Variants in TAFA5 observed in about 807,000 individuals in gnomAD.
TAFA5 encodes the protein TAFA chemokine like family member 5, also known as chemokine-like protein TAFA-5.
A neutral mutation model predicts 15.3 loss-of-function variants in TAFA5; 6 were observed. The observed-to-expected ratio is 0.39, with a 90% CI of 0.21 to 0.77. The LOEUF (loss-of-function observed/expected upper bound fraction) is 0.77, where lower values mean the gene tolerates loss of function less well. Ranked by LOEUF, TAFA5 falls within the 30% of genes least tolerant of loss-of-function variation. The pLI, the probability that TAFA5 is intolerant of heterozygous loss-of-function variation, is 0.41. For missense variants in TAFA5, 161 were observed against 193.1 expected (o/e 0.83, Z 0.98); for synonymous variants, 103 against 80.7 (o/e 1.28, Z -1.48).
chr22:48,516,712 A>T (rs1921420709), intron 1 of TAFA5, among the ~76,000 whole-genome samples: 2 of 152,022 alleles, frequency 1.3e-5, no homozygotes, highest in South Asian at 4.2e-4. Flanking sequence ...AATCCCCCAA[A>T]TTTAGATGGA....
chr22:48,588,090 G>T (rs1451138765), intron 1 of TAFA5, among the ~76,000 whole-genome samples: 1 of 152,236 alleles, frequency 6.6e-6, no homozygotes, highest in Non-Finnish European at 1.5e-5. Flanking sequence ...GGTTTGGGGG[G>T]TTGGTCCATG....
At position 48,646,745 on chromosome 22, in the gene TAFA5, C is replaced by A; in HGVS notation, c.261C>A (p.Asp87Glu). Residue 87 changes from aspartate (D) to glutamate (E), a missense_variant and splice_region_variant, in exon 2 of 4, where the codon GAC (aspartate) becomes GAA (glutamate). Coordinates refer to ENST00000402357, the MANE Select transcript of TAFA5 (RefSeq NM_001082967.3). ...GTTRARPACV[D>E]ARIIKTKQWC... ...CGAGAGCCCGGCCCGCCTGTGTGGA[C>A]GGTAAGCACCCGTGGCCCCAGGACC... 6.4e-7 allele frequency: 1 copy of A among 1,574,124 alleles called. No homozygotes were observed. The highest frequency in any genetic ancestry group is 8.6e-7 in the Non-Finnish European group (1 of 1,164,500).
At chr22:48,651,163 G>T (rs1165850482) in intron 2 of TAFA5, among the ~76,000 whole-genome samples, 1 of 152,240 alleles carries the variant, frequency 6.6e-6, no homozygotes, top group Non-Finnish European at 1.5e-5. Context: ...CCAGTAGCGG[G>T]GGCAGCAGAG....
intron 1 of TAFA5, among the ~76,000 whole-genome samples, chr22:48,642,180 G>C (rs893236521): frequency 6.6e-6 from 1 of 152,136 alleles, no homozygotes; most frequent in Non-Finnish European, 1.5e-5. Flanking sequence ...CTGGTGGAGC[G>C]GCCTGCGCTT....
chr22:48,532,645 C>A (rs910871181), intron 1 of TAFA5, among the ~76,000 whole-genome samples: 1 of 152,198 alleles, frequency 6.6e-6, no homozygotes, highest in Non-Finnish European at 1.5e-5. Flanking sequence ...GTGGCCCACC[C>A]AGTCGCTGGG....
intron 2 of TAFA5, among the ~76,000 whole-genome samples, chr22:48,672,489 C>T (rs564325935): frequency 2.0e-5 from 3 of 152,128 alleles, no homozygotes; most frequent in East Asian, 1.9e-4. Context: ...AAGAAGTTGC[C>T]GCATATCAGA....
chr22:48,527,282 C>T (rs1029735823), intron 1 of TAFA5, among the ~76,000 whole-genome samples: 2 of 152,208 alleles, frequency 1.3e-5, no homozygotes, highest in Non-Finnish European at 2.9e-5. Context: ...ACCCCAACTG[C>T]AGCCCAGGCC....
intron 3 of TAFA5, among the ~76,000 whole-genome samples, chr22:48,716,512 C>A (rs1202894573): frequency 6.6e-6 from 1 of 152,102 alleles, no homozygotes; most frequent in Non-Finnish European, 1.5e-5. Context: ...ACACCAGGGC[C>A]TGTTGGGAGG....
At position 48,628,412 on chromosome 22, in the gene TAFA5, C is replaced by T. The variant is rs372822842; in HGVS notation, c.113-18185C>T. On this transcript the variant is annotated intron_variant, in intron 1 of 3. Coordinates refer to ENST00000402357, the MANE Select transcript of TAFA5 (RefSeq NM_001082967.3). ...CCTTCTGCCCTCCCCTGCTGGGGTC[C>T]TGCAGGTTCCAGGCCCAGAAGATCT... Among the ~76,000 whole-genome samples the T allele has an allele frequency of 2.0e-5, 3 of 152,224 alleles. No individual in the cohort carries two copies. The East Asian group carries it at 5.8e-4, about 29-fold the overall frequency.
At chr22:48,661,192 C>T (rs549274528) in intron 2 of TAFA5, among the ~76,000 whole-genome samples, 20 of 152,180 alleles carry the variant, frequency 1.3e-4, no homozygotes, top group Non-Finnish European at 2.5e-4. Flanking sequence ...TACTGCTGGC[C>T]CTACGGTCAG....
intron 2 of TAFA5, among the ~76,000 whole-genome samples, chr22:48,685,358 A>G (rs553391674): frequency 3.9e-5 from 6 of 152,262 alleles, no homozygotes; most frequent in South Asian, 2.1e-4. Context: ...TCTTGGATCC[A>G]GGAAAGACCT....
intron 1 of TAFA5, among the ~76,000 whole-genome samples, chr22:48,554,330 A>G (rs1484759061): frequency 6.6e-6 from 1 of 152,214 alleles, no homozygotes; most frequent in Non-Finnish European, 1.5e-5. Context: ...ATTGACAATG[A>G]AGCTTTCCCA....
At chr22:48,524,520 C>A (rs1921713024) in intron 1 of TAFA5, among the ~76,000 whole-genome samples, 1 of 152,228 alleles carries the variant, frequency 6.6e-6, no homozygotes, top group African/African-American at 2.4e-5. Context: ...ACATTCTCAG[C>A]CTGAGATGCG....
chr22:48,522,045 A>G (rs1022770844), intron 1 of TAFA5, among the ~76,000 whole-genome samples: 1 of 152,242 alleles, frequency 6.6e-6, no homozygotes, highest in Non-Finnish European at 1.5e-5. Flanking sequence ...ATTCCTTAGG[A>G]TAGGTATTCC....
At chr22:48,540,422 C>T (rs886209495) in intron 1 of TAFA5, among the ~76,000 whole-genome samples, 1 of 152,094 alleles carries the variant, frequency 6.6e-6, no homozygotes. Context: ...GAACTGACAC[C>T]CGCCATGGGA....
chr22:48,618,129 CTCTT>C (rs1356591336), intron 1 of TAFA5, among the ~76,000 whole-genome samples: 3 of 152,222 alleles, frequency 2.0e-5, no homozygotes, highest in Non-Finnish European at 4.4e-5. Flanking sequence ...TGTTTCTGCA[CTCTT>C]TCAGGATTGT....
At chr22:48,496,190 T>G (rs1454072372) in intron 1 of TAFA5, among the ~76,000 whole-genome samples, 1 of 152,222 alleles carries the variant, frequency 6.6e-6, no homozygotes, top group Non-Finnish European at 1.5e-5. Flanking sequence ...TGTGTTGTGG[T>G]GGCCACTGTC....
chr22:48,747,130 C>G (rs1601714171), intron 3 of TAFA5, among the ~76,000 whole-genome samples: 1 of 152,318 alleles, frequency 6.6e-6, no homozygotes, highest in Admixed American at 6.5e-5. Context: ...CTGCCCTGCC[C>G]TAATGCACTT....
intron 1 of TAFA5, among the ~76,000 whole-genome samples, chr22:48,594,877 A>T (rs1409308810): frequency 2.8e-5 from 4 of 143,590 alleles, no homozygotes; most frequent in East Asian, 2.1e-4. Context: ...TCCTGAGCAC[A>T]TTTTTTTTTT....
Sources: allele counts gnomAD v4.1 joint callset (sites outside exome capture counted in the v4.1 genomes callset), GRCh38; gene constraint gnomAD v4.1.1; transcripts MANE v1.5; gene names NCBI Gene and HGNC (gene_info 2026-07-23, HGNC 2026-07-21).